The following ZNF106 variants were observed in gnomAD, a reference collection of about 807,000 sequenced individuals.
ZNF106 encodes the protein zinc finger protein 106, also known as SH3-domain binding protein 3.
Under a neutral mutation model 195.1 loss-of-function variants are expected in ZNF106, and 67 were observed. The observed-to-expected ratio is 0.34, with a 90% confidence interval of 0.28 to 0.42. ZNF106 has a LOEUF of 0.42. ZNF106 is among the 10% of genes least tolerant of loss of function. The pLI is 1.00. For missense variants in ZNF106, 2,118 were observed against 2,304.5 expected, an observed-to-expected ratio of 0.92 and a Z score of 1.66; for synonymous variants, 784 against 818.6, an observed-to-expected ratio of 0.96 and a Z score of 0.72.
Position 42,442,291 on chromosome 15 carries a change from A to G in ZNF106, c.3545T>C (p.Phe1182Ser). Residue 1182 changes from phenylalanine to serine, a missense_variant, in exon 10 of 22, where the codon TTT becomes TCT. By Grantham distance (155) the Phe-to-Ser change is radical. Coordinates refer to ENST00000564754, the MANE Select transcript of ZNF106 (RefSeq NM_001366845.3). ...ALLPTPFFPL[F>S]LEPPSSHVSP... Reference sequence around the variant, plus strand: ...CACATGGGAAGATGGAGGCTCCAGAAAAAGTGGGAAAAAGGGAGTGGGCAG... The same window carrying G: ...CACATGGGAAGATGGAGGCTCCAGAGAAAGTGGGAAAAAGGGAGTGGGCAG... 1 of 1,614,198 alleles carries G rather than the reference A, an allele frequency of 6.2e-7. No homozygotes were observed. Among genetic ancestry groups the G allele is most frequent in the Non-Finnish European group, 8.5e-7 (1 of 1,180,032 alleles).
chr15:42,461,687 G>A (rs2056395568), intron 3 of ZNF106, among the ~76,000 whole-genome samples: 1 of 152,154 alleles, frequency 6.6e-6, no homozygotes, highest in African/African-American at 2.4e-5. Context: ...CAAAGCCTAA[G>A]TAACACATAC....
chr15:42,474,815 T>G (rs1367334439), intron 1 of ZNF106, among the ~76,000 whole-genome samples: 3 of 152,162 alleles, frequency 2.0e-5, no homozygotes, highest in Non-Finnish European at 4.4e-5. Context: ...GGTTTACTCT[T>G]TCATAATCCT....
At chr15:42,424,386 G>C (rs552418604) in intron 16 of ZNF106, 168 of 306,562 alleles carry the variant, frequency 5.5e-4, no homozygotes, top group Non-Finnish European at 7.9e-4. Context: ...GGTGATGTTG[G>C]TGTAAAGAAA....
At chr15:42,435,918 G>A (rs1477723717) in intron 13 of ZNF106, among the ~76,000 whole-genome samples, 1 of 151,724 alleles carries the variant, frequency 6.6e-6, no homozygotes, top group African/African-American at 2.4e-5. Context: ...ATTCAAAAAC[G>A]TCAGGTGCTA....
chr15:42,465,653 T>C (rs538157620), intron 3 of ZNF106, among the ~76,000 whole-genome samples: 2 of 152,354 alleles, frequency 1.3e-5, no homozygotes, highest in Admixed American at 6.5e-5. Flanking sequence ...TTAGCAGACT[T>C]TGGATGTCTC....
chr15:42,488,661 C>A (rs186196215), intron 1 of ZNF106, among the ~76,000 whole-genome samples: 1 of 152,208 alleles, frequency 6.6e-6, no homozygotes, highest in Admixed American at 6.5e-5. Context: ...AGAACCAAGT[C>A]GTCTAGCATC....
At chr15:42,480,007 C>T (rs567715868) in intron 1 of ZNF106, among the ~76,000 whole-genome samples, 3 of 152,232 alleles carry the variant, frequency 2.0e-5, no homozygotes, top group East Asian at 1.9e-4. Context: ...CATGCCACCA[C>T]GCTGGGCTAA....
At position 42,444,884 on chromosome 15, in the gene ZNF106, A is replaced by C; in HGVS notation, c.3303T>G (p.Arg1101=). 6.2e-7 allele frequency: 1 copy of C among 1,614,210 alleles called. No homozygotes were observed. The highest frequency in any genetic ancestry group is 8.5e-7 in the Non-Finnish European group (1 of 1,180,034). Residue 1101 remains arginine (R), a synonymous_variant, in exon 8 of 22, where the codon CGT becomes CGG. Transcript: ENST00000564754. ...CCACATAAGCTGTCTGAAGGGCTGC[A>C]CGGGCTTGCAGAAGATTGTTATCCA... The part of the protein sequence containing the change: ...QCMDNNLLQA[R]AALQTAYVEV...
chr15:42,449,329 G>A (rs1567015717), intron 5 of ZNF106, among the ~76,000 whole-genome samples: 1 of 152,164 alleles, frequency 6.6e-6, no homozygotes, highest in Non-Finnish European at 1.5e-5. Context: ...AATGCCCAGA[G>A]TACATACAGA....
At position 42,450,012 on chromosome 15, in the gene ZNF106, C is replaced by T; in HGVS notation, c.2260G>A (p.Asp754Asn). 1 of 1,614,160 alleles carries T rather than the reference C, an allele frequency of 6.2e-7. No homozygotes were observed. The highest frequency in any genetic ancestry group is 8.5e-7 in the Non-Finnish European group (1 of 1,180,018). ...KLGFPASLQR[D>N]LTRHISLKSK... Reference sequence around the variant, plus strand: ...TTCAAACTAATGTGCCGGGTTAGATCCCTCTGAAGTGAGGCAGGAAAGCCA... The same window carrying T: ...TTCAAACTAATGTGCCGGGTTAGATTCCTCTGAAGTGAGGCAGGAAAGCCA... The change falls in exon 5 of 22, where the codon GAT (aspartate) becomes AAT (asparagine). Residue 754 changes from aspartate to asparagine, a missense_variant. Asp to Asn is a conservative substitution (Grantham distance 23, BLOSUM62 1). Coordinates refer to ENST00000564754, the MANE Select transcript of ZNF106 (RefSeq NM_001366845.3).
chr15:42,488,392 T>A (rs976238832), intron 1 of ZNF106, among the ~76,000 whole-genome samples: 1 of 152,170 alleles, frequency 6.6e-6, no homozygotes, highest in African/African-American at 2.4e-5. Flanking sequence ...CCTTCACTGA[T>A]GAAGACCTGG....
intron 1 of ZNF106, among the ~76,000 whole-genome samples, chr15:42,480,295 TATG>T (rs889001456): frequency 4.3e-4 from 65 of 152,332 alleles, no homozygotes; most frequent in African/African-American, 1.5e-3. Context: ...CTTTTATTGT[TATG>T]ATATGATCCC....
At position 42,448,170 on chromosome 15, in the gene ZNF106, T is replaced by C; in HGVS notation, c.3037A>G (p.Ile1013Val). ...GTGGCTGCATCCGCTAAACTGGAGATCGCAAGGGCTGAGGATGCGCTTGAT... is the reference window on the plus strand; with the variant it reads ...GTGGCTGCATCCGCTAAACTGGAGACCGCAAGGGCTGAGGATGCGCTTGAT... ...LSSSASSALA[I>V]SSLADAATDS... is the part of the protein sequence containing the mutation. Residue 1013 changes from isoleucine to valine, a missense_variant, in exon 6 of 22, where the codon ATC (isoleucine) becomes GTC (valine). By Grantham distance (29) the Ile-to-Val change is conservative. Coordinates refer to ENST00000564754, the MANE Select transcript of ZNF106 (RefSeq NM_001366845.3). The C allele has an allele frequency of 6.2e-7, 1 of 1,614,168 alleles. No homozygotes were observed. Among genetic ancestry groups the C allele is most frequent in the Non-Finnish European group, 8.5e-7 (1 of 1,180,018 alleles).
In ZNF106 at chr15:42,442,269, A is replaced by G. The variant is rs148338490; in HGVS notation, c.3567T>C (p.His1189=). 4.3e-6 allele frequency: 7 copies of G among 1,614,174 alleles called. No individual in the cohort carries two copies. Among genetic ancestry groups the G allele is most frequent in the Non-Finnish European group, 5.9e-6 (7 of 1,180,038 alleles). The change falls in exon 10 of 22, where the codon CAT becomes CAC. Residue 1189 remains histidine (H), a synonymous_variant. Coordinates refer to ENST00000564754, the MANE Select transcript of ZNF106 (RefSeq NM_001366845.3). ...AGGCTCCGGTGGGTGATGGAGACAC[A>G]TGGGAAGATGGAGGCTCCAGAAAAA... ...FPLFLEPPSS[H]VSPSPTGASL... is the part of the protein sequence containing the mutation.
Position 42,415,470 on chromosome 15 carries a change from G to C in ZNF106, c.*1834C>G, listed in dbSNP as rs968444386. ...TTTGGATCAAGTAAGAACCACTGGA[G>C]CCTTTCCTGGAAAAAAGAACACATA... On this transcript the variant is annotated 3_prime_UTR_variant, in exon 22 of 22. Coordinates refer to ENST00000564754, the MANE Select transcript of ZNF106 (RefSeq NM_001366845.3). The C allele has an allele frequency of 4.6e-5, 21 of 454,764 alleles. No homozygotes were observed. Among genetic ancestry groups the C allele is most frequent in the African/African-American group, 4.2e-4 (21 of 49,808 alleles). The allele number at this position is 454,764 out of a possible 1,614,324, so 28.2% of individuals were successfully genotyped here.
rs946604874 is a variant in ZNF106, at chr15:42,412,886, C to T, written c.*4418G>A. ...CTTTATATCTTGCTTTACAAAGTTACGAAGTTCACAGCTTTATACCAAAAT... is the reference window on the plus strand; with the variant it reads ...CTTTATATCTTGCTTTACAAAGTTATGAAGTTCACAGCTTTATACCAAAAT... On this transcript the variant is annotated 3_prime_UTR_variant, in exon 22 of 22. Coordinates refer to ENST00000564754, the MANE Select transcript of ZNF106 (RefSeq NM_001366845.3). 1.3e-5 allele frequency: 2 copies of T among 152,134 alleles called. No individual in the cohort carries two copies. Among genetic ancestry groups the T allele is most frequent in the Non-Finnish European group, 1.5e-5 (1 of 68,030 alleles). The allele number at this position is 152,134 out of a possible 1,614,324, so 9.4% of individuals were successfully genotyped here.
chr15:42,472,207 G>A (rs2141423068), intron 2 of ZNF106, 29 bp downstream of exon 2: 2 of 1,528,262 alleles, frequency 1.3e-6, no homozygotes, highest in South Asian at 2.4e-5. Context: ...TAGTCATAAA[G>A]CCTCAGATTC....
intron 2 of ZNF106, among the ~76,000 whole-genome samples, chr15:42,468,769 G>A (rs948157749): frequency 7.9e-5 from 12 of 151,952 alleles, no homozygotes; most frequent in African/African-American, 2.9e-4. Flanking sequence ...AAAAAATAAG[G>A]AGAGAGTAGC....
rs1462506509 is a variant in ZNF106 at position 42,437,219 on chromosome 15, T to C, written c.4746+13A>G. The stretch of plus-strand genomic sequence containing the variant: ...CTGCAACCAAAAACATTCTACATGT[T>C]CTATCAACTTACCACCAGATTATAA... On this transcript the variant is annotated intron_variant, in intron 13 of 21. Coordinates refer to ENST00000564754, the MANE Select transcript of ZNF106 (RefSeq NM_001366845.3). The C allele has an allele frequency of 6.2e-7, 1 of 1,605,876 alleles. No homozygotes were observed.
Sources: allele counts gnomAD v4.1 joint callset (sites outside exome capture counted in the v4.1 genomes callset), GRCh38; gene constraint gnomAD v4.1.1; transcripts MANE v1.5; gene names NCBI Gene and HGNC (gene_info 2026-07-23, HGNC 2026-07-21).